Variants in ADGRL2 observed in about 807,000 individuals in gnomAD.
The protein encoded by ADGRL2 is calcium-independent alpha-latrotoxin receptor 2.
ADGRL2 carries 44 observed loss-of-function variants against 157.4 expected under a neutral mutation model. That is an observed-to-expected ratio of 0.28 (90% CI 0.22 to 0.36). The LOEUF (loss-of-function observed/expected upper bound fraction) is 0.36, where lower values mean the gene tolerates loss of function less well. Among genes scored for constraint, ADGRL2 ranks in the 10% least tolerant of loss-of-function variants. The pLI is 1.00. For synonymous variants in ADGRL2, 585 were observed against 624.7 expected (o/e 0.94, Z 0.95); for missense variants, 1,510 against 1,768.9 (o/e 0.85, Z 2.63).
chr1:81,427,435 G>A, intron 1 of ADGRL2: 1 of 751,814 alleles, frequency 1.3e-6, no homozygotes, highest in South Asian at 1.3e-5. Flanking sequence ...GAGGAAATTT[G>A]GTGGTGGTAA....
At chr1:81,905,191 A>T (rs1000426264) in intron 2 of ADGRL2, among the ~76,000 whole-genome samples, 7 of 150,380 alleles carry the variant, frequency 4.7e-5, no homozygotes, top group Non-Finnish European at 1.0e-4. Context: ...CCCGCCTCCC[A>T]GGTTCAAATG....
rs528773987 is a variant in ADGRL2, at chr1:81,871,752, C to G, written c.73+34695C>G. ...TGTCTTCTTTTGAGAAGTGTCTGTT[C>G]ATATCCTTTGCCCACTTTTTGATGG... is the stretch of plus-strand genomic sequence containing the variant. On this transcript the variant is annotated intron_variant, in intron 2 of 23. Coordinates refer to ENST00000686636, the MANE Select transcript of ADGRL2 (RefSeq NM_001366006.2). Among the ~76,000 whole-genome samples, 443 of 152,272 alleles carry G rather than the reference C, an allele frequency of 2.9e-3. 3 individuals carry two copies. Among genetic ancestry groups the G allele is most frequent in the Middle Eastern group, 0.014 (4 of 294 alleles).
At chr1:81,365,617 T>C (rs2076051429) in intron 1 of ADGRL2, among the ~76,000 whole-genome samples, 1 of 152,204 alleles carries the variant, frequency 6.6e-6, no homozygotes, top group Non-Finnish European at 1.5e-5. Context: ...TTCACAGCAC[T>C]GATTTACCTA....
chr1:81,892,343 A>G (rs1358540663), intron 2 of ADGRL2, among the ~76,000 whole-genome samples: 3 of 152,140 alleles, frequency 2.0e-5, no homozygotes, highest in Non-Finnish European at 4.4e-5. Flanking sequence ...TTAAATTAAT[A>G]TCTTAGGGGG....
At chr1:81,616,268 C>T (rs1008438022) in intron 3 of ADGRL2, among the ~76,000 whole-genome samples, 1 of 152,180 alleles carries the variant, frequency 6.6e-6, no homozygotes, top group Non-Finnish European at 1.5e-5. Context: ...AAAGGAGGAA[C>T]AAGGCACAAT....
chr1:81,772,190 CA>C (rs2086400373), intron 2 of ADGRL2, among the ~76,000 whole-genome samples: 2 of 146,248 alleles, frequency 1.4e-5, no homozygotes, highest in African/African-American at 5.1e-5. Flanking sequence ...GCGGAAGTTG[CA>C]GTGAGCCGAG....
At chr1:81,483,075 G>A (rs1446701404) in intron 2 of ADGRL2, among the ~76,000 whole-genome samples, 1 of 152,012 alleles carries the variant, frequency 6.6e-6, no homozygotes, top group Non-Finnish European at 1.5e-5. Flanking sequence ...TATTAAGAAA[G>A]AATAGTCACC....
At chr1:81,762,605 A>G (rs1489742675) in intron 2 of ADGRL2, among the ~76,000 whole-genome samples, 1 of 152,090 alleles carries the variant, frequency 6.6e-6, no homozygotes, top group Non-Finnish European at 1.5e-5. Context: ...AAAAAGAAGG[A>G]ATTTCTCATT....
At chr1:81,345,906 G>A (rs921441972) in intron 1 of ADGRL2, among the ~76,000 whole-genome samples, 3 of 152,062 alleles carry the variant, frequency 2.0e-5, no homozygotes, top group Admixed American at 1.3e-4. Flanking sequence ...CATTTCAAAA[G>A]GTTTGAGCTT....
At chr1:81,830,376 G>GGCA (rs2091858975) in intron 1 of ADGRL2, among the ~76,000 whole-genome samples, 2 of 152,140 alleles carry the variant, frequency 1.3e-5, no homozygotes, top group African/African-American at 4.8e-5. Flanking sequence ...TGTAAGTTTA[G>GGCA]ATAACACTAT....
At chr1:81,753,335 CT>C in intron 1 of ADGRL2, among the ~76,000 whole-genome samples, 1 of 152,270 alleles carries the variant, frequency 6.6e-6, no homozygotes, top group African/African-American at 2.4e-5. Flanking sequence ...ACCAACAGAT[CT>C]TGAGAGACCC....
At chr1:81,870,088 T>C (rs2093653208) in intron 2 of ADGRL2, among the ~76,000 whole-genome samples, 1 of 152,098 alleles carries the variant, frequency 6.6e-6, no homozygotes, top group Admixed American at 6.6e-5. Flanking sequence ...TTGTACATAT[T>C]AGCGTATGTA....
intron 16 of ADGRL2, among the ~76,000 whole-genome samples, chr1:81,971,574 G>A (rs1658760083): frequency 6.6e-6 from 1 of 152,126 alleles, no homozygotes; most frequent in South Asian, 2.1e-4. Flanking sequence ...AAGTCTTAAG[G>A]ATTCAGTGGT....
At chr1:81,537,534 C>T (rs2079771924) in intron 2 of ADGRL2, among the ~76,000 whole-genome samples, 1 of 152,120 alleles carries the variant, frequency 6.6e-6, no homozygotes. Context: ...GATCCTCCTT[C>T]CTCGGCCTCC....
rs1292015765 is a variant in ADGRL2 at position 81,993,147 on chromosome 1, G to A, written c.*2002G>A. On this transcript the variant is annotated 3_prime_UTR_variant, in exon 24 of 24. Coordinates refer to ENST00000686636, the MANE Select transcript of ADGRL2 (RefSeq NM_001366006.2). ...GACAGAGTGTCCCTCTGTCACCCAG[G>A]CTGGAGTGCAGTAGTGTGATCTCGG... Among the ~76,000 whole-genome samples, 3 of 116,508 alleles carry A rather than the reference G, an allele frequency of 2.6e-5. No individual in the cohort carries two copies. In the East Asian group the frequency reaches 7.6e-4, roughly 30 times the overall value. The allele number at this position is 116,508 out of a possible 152,430, so 76.4% of individuals were successfully genotyped here.
chr1:81,662,122 C>T (rs1458301099), intron 3 of ADGRL2, among the ~76,000 whole-genome samples: 4 of 151,832 alleles, frequency 2.6e-5, no homozygotes, highest in Non-Finnish European at 5.9e-5. Context: ...GGTATCCATC[C>T]CCTCAAGCAT....
intron 2 of ADGRL2, among the ~76,000 whole-genome samples, chr1:81,518,473 T>G (rs1408426): frequency 6.6e-6 from 1 of 152,012 alleles, no homozygotes; most frequent in African/African-American, 2.4e-5. Context: ...TCCAGAGAAA[T>G]GGGAATTGTT....
rs1017534364 is a variant in ADGRL2, at chr1:81,631,482, C to T, written c.-143+50502C>T. Among the ~76,000 whole-genome samples, 4 of 152,122 alleles carry T rather than the reference C, an allele frequency of 2.6e-5. No homozygotes were observed. The South Asian group carries it at 8.3e-4, about 31-fold the overall frequency. On this transcript the variant is annotated intron_variant, in intron 3 of 24. Transcript: ENST00000370721. ...TCCGCCTCCCAAAGTGCTGGGATTA[C>T]AGGCATGAACCACTATGCCCAGCCA...
chr1:81,990,768 C>G lies in ADGRL2; in HGVS notation c.4033C>G (p.Leu1345Val). 1 of 1,614,110 alleles carries G rather than the reference C, an allele frequency of 6.2e-7. No homozygotes were observed. The highest frequency in any genetic ancestry group is 2.2e-5 in the East Asian group (1 of 44,870). ...APLIPQRTHS[L>V]LYQPQKKVKS... ...ACTTATTCCTCAGCGGACTCACTCC[C>G]TTCTGTACCAACCCCAGAAGAAAGT... The change falls in exon 24 of 24, where the codon CTT becomes GTT. Residue 1345 changes from leucine to valine, a missense_variant. Physicochemically the swap from Leu to Val is conservative, Grantham distance 32 (BLOSUM62 1). Around this residue, in one of 4 missense-constraint regions of ADGRL2, gnomAD observed 327 missense variants for 310.1 expected, o/e 1.05. Transcript: ENST00000686636.
Sources: gnomAD v4.1 joint callset for allele counts (sites outside exome capture counted in the v4.1 genomes callset) on GRCh38, gnomAD v4.1.1 for gene constraint, gnomAD v4.1.1 regional missense constraint, MANE v1.5 for transcripts, NCBI Gene and HGNC (gene_info 2026-07-23, HGNC 2026-07-21) for gene names.